Variants in NAA11 observed in about 807,000 individuals in gnomAD.
NAA11 encodes the protein N-alpha-acetyltransferase 11.
A neutral mutation model predicts 16.1 loss-of-function variants in NAA11; 15 were observed. The ratio of observed to expected loss-of-function variants is 0.93; its 90% CI spans 0.62 to 1.44. The LOEUF is 1.44. Ranked by LOEUF, NAA11 falls within the 40% of genes most tolerant of loss-of-function variation. NAA11 has a pLI of 0.00. For missense variants in NAA11, 298 were observed against 291.3 expected, an observed-to-expected ratio of 1.02 and a Z score of -0.17; for synonymous variants, 122 against 112.4, an observed-to-expected ratio of 1.09 and a Z score of -0.54.
At chr4:79,323,023 T>A (rs915115815) in intron 1 of NAA11, among the ~76,000 whole-genome samples, 10 of 152,206 alleles carry the variant, frequency 6.6e-5, no homozygotes, top group Non-Finnish European at 1.0e-4. Context: ...CTATATAATA[T>A]AAACATCAGT....
intron 1 of NAA11, among the ~76,000 whole-genome samples, chr4:79,295,583 G>T (rs899936284): frequency 1.3e-5 from 2 of 152,120 alleles, no homozygotes; most frequent in East Asian, 3.8e-4. Flanking sequence ...CTCAGGAGTT[G>T]GTTTATCCCC....
intron 2 of NAA11, chr4:79,227,571 T>C (rs1420946141): frequency 6.6e-6 from 1 of 151,998 alleles, no homozygotes; most frequent in Non-Finnish European, 1.5e-5. Flanking sequence ...AAGAGGATGT[T>C]GCATGAAGAA....
intron 2 of NAA11, among the ~76,000 whole-genome samples, chr4:79,229,568 C>T (rs1227060760): frequency 6.6e-6 from 1 of 151,944 alleles, no homozygotes; most frequent in Non-Finnish European, 1.5e-5. Context: ...GACCTACACT[C>T]ACTTTCACTC....
the NAA11 span, among the ~76,000 whole-genome samples, chr4:79,210,756 T>A: frequency 6.6e-6 from 1 of 151,898 alleles, no homozygotes; most frequent in African/African-American, 2.4e-5. Context: ...AGACTCCGTC[T>A]CAAAAAAAGA....
intron 2 of NAA11, among the ~76,000 whole-genome samples, chr4:79,254,965 A>AG (rs1240476535): frequency 6.6e-6 from 1 of 152,228 alleles, no homozygotes; most frequent in African/African-American, 2.4e-5. Flanking sequence ...AATGTGGAAT[A>AG]GTCATGTAAT....
At chr4:79,259,480 C>T (rs982787431) in intron 2 of NAA11, among the ~76,000 whole-genome samples, 4 of 152,172 alleles carry the variant, frequency 2.6e-5, no homozygotes, top group Non-Finnish European at 4.4e-5. Context: ...ACACCATGCT[C>T]ACTCACTCAC....
chr4:79,244,611 T>G (rs1578159028), intron 2 of NAA11: 1 of 73,248 alleles, frequency 1.4e-5, no homozygotes, highest in Admixed American at 1.5e-4. Context: ...TGAGTCTCAC[T>G]CTCCCTCTCC....
At chr4:79,307,491 A>G (rs1007746171) in intron 1 of NAA11, among the ~76,000 whole-genome samples, 4 of 152,216 alleles carry the variant, frequency 2.6e-5, no homozygotes, top group African/African-American at 9.6e-5. Context: ...TTCTTTACAT[A>G]CACATGATTA....
At chr4:79,171,522 G>A in the NAA11 span, among the ~76,000 whole-genome samples, 2 of 152,106 alleles carry the variant, frequency 1.3e-5, no homozygotes, top group African/African-American at 4.8e-5. Flanking sequence ...CATTTAGACT[G>A]TAGATAAAAT....
intron 1 of NAA11, among the ~76,000 whole-genome samples, chr4:79,300,806 A>G (rs1013133645): frequency 1.2e-4 from 18 of 152,222 alleles, no homozygotes; most frequent in African/African-American, 3.6e-4. Context: ...GACATTAGAA[A>G]GGATAAGCTA....
intron 2 of NAA11, among the ~76,000 whole-genome samples, chr4:79,273,555 C>A (rs1722549157): frequency 6.6e-6 from 1 of 151,914 alleles, no homozygotes; most frequent in African/African-American, 2.4e-5. Context: ...TACCACTGGT[C>A]TTTTTAACCC....
chr4:79,282,340 T>G (rs1722812690), intron 2 of NAA11, among the ~76,000 whole-genome samples: 1 of 152,032 alleles, frequency 6.6e-6, no homozygotes, highest in South Asian at 2.1e-4. Flanking sequence ...TTCTGTTTTT[T>G]AAAAAAGTCA....
intron 1 of NAA11, among the ~76,000 whole-genome samples, chr4:79,298,093 A>C (rs768949496): frequency 3.9e-5 from 6 of 152,142 alleles, no homozygotes; most frequent in Non-Finnish European, 8.8e-5. Context: ...TGTTGGGACT[A>C]CCTGCCTGAA....
At chr4:79,164,052 C>T in the NAA11 span, among the ~76,000 whole-genome samples, 1 of 152,020 alleles carries the variant, frequency 6.6e-6, no homozygotes, top group Non-Finnish European at 1.5e-5. Flanking sequence ...TCTCCCCAAC[C>T]TCACCTCCCT....
At chr4:79,248,990 A>AG (rs1329995582) in intron 2 of NAA11, among the ~76,000 whole-genome samples, 1 of 150,486 alleles carries the variant, frequency 6.6e-6, no homozygotes, top group Non-Finnish European at 1.5e-5. Context: ...GGAGCACTTG[A>AG]GCCCCCCCCC....
the NAA11 span, among the ~76,000 whole-genome samples, chr4:79,162,624 G>A: frequency 6.6e-6 from 1 of 152,168 alleles, no homozygotes; most frequent in African/African-American, 2.4e-5. Flanking sequence ...CACAGTCTAT[G>A]GCACCTTTGT....
chr4:79,218,368 A>C, the NAA11 span, among the ~76,000 whole-genome samples: 1 of 151,990 alleles, frequency 6.6e-6, no homozygotes, highest in Non-Finnish European at 1.5e-5. Context: ...TTGGAAAAAC[A>C]ATTTAGACAA....
chr4:79,301,432 A>G (rs1369622654), intron 1 of NAA11, among the ~76,000 whole-genome samples: 1 of 152,204 alleles, frequency 6.6e-6, no homozygotes. Flanking sequence ...CTTAGCATTT[A>G]CCTCATGCTG....
intron 2 of NAA11, among the ~76,000 whole-genome samples, chr4:79,228,205 T>A (rs115805327): frequency 1.3e-5 from 2 of 151,988 alleles, no homozygotes; most frequent in African/African-American, 4.8e-5. Flanking sequence ...TTGTATTAAT[T>A]ACATAAAAGA....
Sources: allele counts gnomAD v4.1 joint callset (sites outside exome capture counted in the v4.1 genomes callset), GRCh38; gene constraint gnomAD v4.1.1; transcripts MANE v1.5; gene names NCBI Gene and HGNC (gene_info 2026-07-23, HGNC 2026-07-21).